The following SHANK2 variants were observed in gnomAD, a reference collection of about 807,000 sequenced individuals.
SHANK2 encodes the protein SH3 and multiple ankyrin repeat domains protein 2.
SHANK2 carries 43 observed loss-of-function variants against 133.7 expected under a neutral mutation model. That is an observed-to-expected ratio of 0.32 (90% CI 0.25 to 0.41). SHANK2 has a LOEUF of 0.41. Among genes scored for constraint, SHANK2 ranks in the 10% least tolerant of loss-of-function variants. The pLI is 1.00. For missense variants in SHANK2, 1,994 were observed against 2,235.8 expected (o/e 0.89, Z 2.18); for synonymous variants, 1,017 against 952.8 (o/e 1.07, Z -1.24).
At chr11:70,806,217 C>T (rs898064319) in intron 13 of SHANK2, among the ~76,000 whole-genome samples, 3 of 152,174 alleles carry the variant, frequency 2.0e-5, no homozygotes, top group Admixed American at 6.5e-5. Context: ...TGGCAGGGCC[C>T]GGCATGCTGC....
At chr11:70,671,247 T>C (rs1251896474) in intron 15 of SHANK2, among the ~76,000 whole-genome samples, 1 of 151,816 alleles carries the variant, frequency 6.6e-6, no homozygotes, top group Non-Finnish European at 1.5e-5. Flanking sequence ...TGATCAGCGC[T>C]CCCTGCCGAG....
intron 17 of SHANK2, among the ~76,000 whole-genome samples, chr11:70,552,231 G>A (rs559944327): frequency 1.3e-5 from 2 of 152,110 alleles, no homozygotes; most frequent in African/African-American, 2.4e-5. Context: ...GGCTGCCTGC[G>A]AACAAACGCA....
intron 12 of SHANK2, among the ~76,000 whole-genome samples, chr11:70,811,167 G>A (rs915941884): frequency 3.9e-5 from 6 of 152,160 alleles, no homozygotes; most frequent in South Asian, 4.1e-4. Flanking sequence ...GTGGGTCAAA[G>A]TCTAGAGGAA....
intron 17 of SHANK2, among the ~76,000 whole-genome samples, chr11:70,538,033 C>T (rs182497377): frequency 1.8e-4 from 27 of 152,302 alleles, no homozygotes; most frequent in African/African-American, 6.0e-4. Context: ...TGCAGAGGGG[C>T]GTTACCCTTG....
intron 17 of SHANK2, among the ~76,000 whole-genome samples, chr11:70,615,216 T>C (rs1429698970): frequency 2.0e-5 from 3 of 152,064 alleles, no homozygotes; most frequent in Non-Finnish European, 2.9e-5. Context: ...ACATTGCCTA[T>C]ACACCTCTGC....
intron 10 of SHANK2, among the ~76,000 whole-genome samples, chr11:70,901,582 T>C (rs1950023966): frequency 6.6e-6 from 1 of 152,162 alleles, no homozygotes; most frequent in Admixed American, 6.5e-5. Flanking sequence ...TTGTTTCAAA[T>C]AACATTTCGG....
intron 17 of SHANK2, among the ~76,000 whole-genome samples, chr11:70,592,503 T>C (rs6592640): frequency 0.33 from 49,922 of 150,942 alleles, 9,353 homozygotes; most frequent in African/African-American, 0.52. Context: ...GCACACCCCC[T>C]CCAGCCACGG....
rs191971715 is a variant in SHANK2 at position 71,151,901 on chromosome 11, C to T, written c.-12-4563G>A. 3.3e-3 allele frequency among the ~76,000 whole-genome samples: 507 copies of T among 152,172 alleles called. 2 individuals carry two copies. Among genetic ancestry groups the T allele is most frequent in the Middle Eastern group, 0.017 (5 of 294 alleles). Reference sequence around the variant, plus strand: ...ACGCTGGGTGGGAGGCCAGGGCTCCCGATCGCAGACGCCCACAAGAGCAGT... The same window carrying T: ...ACGCTGGGTGGGAGGCCAGGGCTCCTGATCGCAGACGCCCACAAGAGCAGT... On this transcript the variant is annotated intron_variant, in intron 2 of 25. Coordinates refer to ENST00000601538, the MANE Select transcript of SHANK2 (RefSeq NM_012309.5).
intron 2 of SHANK2, among the ~76,000 whole-genome samples, chr11:71,150,575 A>G (rs1952777764): frequency 6.6e-6 from 1 of 152,004 alleles, no homozygotes; most frequent in South Asian, 2.1e-4. Flanking sequence ...TTTAGTCTCT[A>G]GCTATAAACC....
chr11:70,821,743 C>T (rs1423041917), intron 11 of SHANK2, among the ~76,000 whole-genome samples: 1 of 152,174 alleles, frequency 6.6e-6, no homozygotes, highest in Non-Finnish European at 1.5e-5. Flanking sequence ...GTTTAAGCCA[C>T]CTGTCTGTGG....
chr11:70,605,242 C>T (rs1475494718), intron 17 of SHANK2, among the ~76,000 whole-genome samples: 2 of 152,238 alleles, frequency 1.3e-5, no homozygotes, highest in African/African-American at 4.8e-5. Context: ...CCTGCTAGGC[C>T]TGGCCACTCC....
At chr11:71,095,168 T>A (rs782127082) in intron 6 of SHANK2, among the ~76,000 whole-genome samples, 1 of 152,204 alleles carries the variant, frequency 6.6e-6, no homozygotes, top group Non-Finnish European at 1.5e-5. Context: ...AAATGAGACA[T>A]GAAGTCCGTG....
intron 17 of SHANK2, among the ~76,000 whole-genome samples, chr11:70,537,626 G>A (rs2059562700): frequency 6.6e-6 from 1 of 152,250 alleles, no homozygotes; most frequent in Non-Finnish European, 1.5e-5. Flanking sequence ...CTGGCTCCCA[G>A]GACTGTAGGG....
intron 6 of SHANK2, among the ~76,000 whole-genome samples, chr11:71,106,385 T>C (rs540331911): frequency 6.6e-6 from 1 of 152,312 alleles, no homozygotes; most frequent in East Asian, 1.9e-4. Flanking sequence ...GAGGACTGCT[T>C]GAGCCCAGGA....
At position 70,479,360 on chromosome 11, in the gene SHANK2, T is replaced by C. The variant is rs1393535147; in HGVS notation, c.4980-5921A>G. Among the ~76,000 whole-genome samples, 2 of 152,138 alleles carry C rather than the reference T, an allele frequency of 1.3e-5. No homozygotes were observed. The highest frequency in any genetic ancestry group is 2.9e-5 in the Non-Finnish European group (2 of 68,012). On this transcript the variant is annotated intron_variant, in intron 25 of 25. Coordinates refer to ENST00000601538, the MANE Select transcript of SHANK2 (RefSeq NM_012309.5). This position sits in a 1 kb window ranked among gnomAD's most constrained non-coding sequence, Gnocchi z 4.4. ...GAAAATCAAGAGGCTGTCAGGATAA[T>C]ACTGCAGAGAGCCCAGTAGGGACTG...
At chr11:70,484,042 G>A (rs1344365099) in intron 25 of SHANK2, among the ~76,000 whole-genome samples, 1 of 152,232 alleles carries the variant, frequency 6.6e-6, no homozygotes, top group East Asian at 1.9e-4. Flanking sequence ...GGCTTCATTA[G>A]TCAAAATGAT....
chr11:71,209,567 C>T lies in SHANK2; in HGVS notation c.-13+15130G>A, dbSNP rs145626647. 9.8e-5 allele frequency among the ~76,000 whole-genome samples: 15 copies of T among 152,294 alleles called. No individual in the cohort carries two copies. The South Asian group carries it at 2.1e-3, about 21-fold the overall frequency. ...AGCACACACATGGTCATACCCAGAC[C>T]CAGCTCCTCACTCTTGACTCAGTGA... is the stretch of plus-strand genomic sequence containing the variant. On this transcript the variant is annotated intron_variant, in intron 2 of 25. Coordinates refer to ENST00000601538, the MANE Select transcript of SHANK2 (RefSeq NM_012309.5).
chr11:71,153,123 C>T (rs183938731), intron 2 of SHANK2, among the ~76,000 whole-genome samples: 3 of 152,116 alleles, frequency 2.0e-5, no homozygotes, highest in Admixed American at 6.5e-5. Context: ...TCTCTAACCC[C>T]GTGAGGACCA....
At chr11:70,555,264 T>C (rs2059815411) in intron 17 of SHANK2, among the ~76,000 whole-genome samples, 1 of 152,228 alleles carries the variant, frequency 6.6e-6, no homozygotes. Flanking sequence ...TTAAGAACTC[T>C]ACAATGGCCT....
Sources: gnomAD v4.1 joint callset for allele counts (sites outside exome capture counted in the v4.1 genomes callset) on GRCh38, gnomAD v4.1.1 for gene constraint, Gnocchi (gnomAD v3.1) non-coding constraint, MANE v1.5 for transcripts, NCBI Gene and HGNC (gene_info 2026-07-23, HGNC 2026-07-21) for gene names.